Variants in KIF13A observed in about 807,000 individuals in gnomAD.
The protein encoded by KIF13A is kinesin-like protein KIF13A.
A neutral mutation model predicts 212.2 loss-of-function variants in KIF13A; 79 were observed. The ratio of observed to expected loss-of-function variants is 0.37; its 90% CI spans 0.31 to 0.45. The LOEUF (loss-of-function observed/expected upper bound fraction) is 0.45. Ranked by LOEUF, KIF13A falls within the 20% of genes least tolerant of loss-of-function variation. The pLI is 1.00. For missense variants in KIF13A, 1,901 were observed against 2,209.0 expected (o/e 0.86, Z 2.79); for synonymous variants, 789 against 808.6 (o/e 0.98, Z 0.41).
chr6:17,833,749 G>A (rs181577853), intron 12 of KIF13A, among the ~76,000 whole-genome samples: 3 of 150,964 alleles, frequency 2.0e-5, no homozygotes, highest in Admixed American at 1.3e-4. Context: ...CCAGCTACTC[G>A]GGAGGCTACG....
At chr6:17,822,883 T>C (rs1345726384) in intron 16 of KIF13A, among the ~76,000 whole-genome samples, 1 of 152,244 alleles carries the variant, frequency 6.6e-6, no homozygotes, top group African/African-American at 2.4e-5. Context: ...CAGAGTGGAA[T>C]GAATCTTGAC....
Position 17,850,380 on chromosome 6 carries a change from G to A in KIF13A, c.660C>T (p.Arg220=), listed in dbSNP as rs1380123523. Residue 220 remains arginine, a synonymous_variant, in exon 8 of 39, where the codon CGC becomes CGT. Coordinates refer to ENST00000259711, the MANE Select transcript of KIF13A (RefSeq NM_022113.6). This position sits in a 1 kb window ranked among gnomAD's most constrained non-coding sequence, Gnocchi z 6.2. ...TTATGATGTTGAACACAGCATGGGA[G>A]CGGCTGCTTTCTTCGTTCATGTTGG... is the stretch of plus-strand genomic sequence containing the variant. ...AATNMNEESS[R]SHAVFNIIIT... 1 of 1,613,814 alleles carries A rather than the reference G, an allele frequency of 6.2e-7. No homozygotes were observed. Among genetic ancestry groups the A allele is most frequent in the Non-Finnish European group, 8.5e-7 (1 of 1,179,878 alleles).
intron 16 of KIF13A, among the ~76,000 whole-genome samples, chr6:17,819,470 G>T (rs1764244068): frequency 6.6e-6 from 1 of 152,200 alleles, no homozygotes; most frequent in African/African-American, 2.4e-5. Context: ...GGCTGAGGCA[G>T]GAGAATTGCT....
rs923335466 is a variant in KIF13A, at chr6:17,768,697, T to C, written c.4581+2417A>G. On this transcript the variant is annotated intron_variant, in intron 38 of 38. Transcript: ENST00000259711. This position sits in a 1 kb window ranked among gnomAD's most constrained non-coding sequence, Gnocchi z 5.4. ...CATTAACTGTGAGACCTTGAGCAAG[T>C]TGCTCAACAATTCTAACCCTTTGCT... Among the ~76,000 whole-genome samples the C allele has an allele frequency of 2.6e-5, 4 of 152,344 alleles. No individual in the cohort carries two copies. In the South Asian group the frequency reaches 8.3e-4, roughly 32 times the overall value.
At chr6:17,813,906 A>C (rs918629093) in intron 17 of KIF13A, among the ~76,000 whole-genome samples, 4 of 150,296 alleles carry the variant, frequency 2.7e-5, no homozygotes, top group Admixed American at 2.6e-4. Context: ...AGCAATTAGT[A>C]CCTGGTACAT....
intron 2 of KIF13A, among the ~76,000 whole-genome samples, chr6:17,975,372 T>C (rs114553153): frequency 0.015 from 2,240 of 152,228 alleles, 21 homozygotes; most frequent in Middle Eastern, 0.027. Flanking sequence ...ACCCTCACAA[T>C]GAATATTACA....
intron 4 of KIF13A, among the ~76,000 whole-genome samples, chr6:17,861,234 T>G (rs1489286901): frequency 8.5e-5 from 13 of 152,196 alleles, no homozygotes; most frequent in Non-Finnish European, 2.9e-5. Flanking sequence ...TTTTTACAAA[T>G]TTACACAAGA....
Position 17,837,437 on chromosome 6 carries a change from T to C in KIF13A, c.942+35A>G. On this transcript the variant is annotated intron_variant, in intron 10 of 38. Transcript: ENST00000259711. This position sits in a 1 kb window ranked among gnomAD's most constrained non-coding sequence, Gnocchi z 5.4. ...TCTGTCACATCTGGAATAGCCAATT[T>C]TTAGTTGGAAAAGAACACTAGAGCA... 2 of 1,469,790 alleles carry C rather than the reference T, an allele frequency of 1.4e-6. No homozygotes were observed. The highest frequency in any genetic ancestry group is 2.4e-5 in the East Asian group (1 of 42,538). 91.0% of individuals were successfully genotyped at this position (1,469,790 alleles called of 1,614,324 possible). A position where few individuals can be genotyped will look rare whatever the true frequency, so the allele number is the denominator to read the frequency against.
rs1333982034 is a variant in KIF13A at position 17,880,652 on chromosome 6, G to A, written c.160-7215C>T. 3.6e-5 allele frequency among the ~76,000 whole-genome samples: 5 copies of A among 138,734 alleles called. No homozygotes were observed. In the East Asian group the frequency reaches 1.0e-3, roughly 29 times the overall value. The allele number at this position is 138,734 out of a possible 152,430, so 91.0% of individuals were successfully genotyped here. A position where few individuals can be genotyped will look rare whatever the true frequency, so the allele number is the denominator to read the frequency against. The stretch of plus-strand genomic sequence containing the variant: ...CAAAAAAAAAAAAAAAAAAAAAAAG[G>A]TCTTGCTCTGTTGTCCAGGCCAGAG... On this transcript the variant is annotated intron_variant, in intron 3 of 38. Coordinates refer to ENST00000259711, the MANE Select transcript of KIF13A (RefSeq NM_022113.6).
At chr6:17,820,694 G>GT (rs1375149670) in intron 16 of KIF13A, among the ~76,000 whole-genome samples, 1 of 152,160 alleles carries the variant, frequency 6.6e-6, no homozygotes, top group Non-Finnish European at 1.5e-5. Flanking sequence ...TCTCAAAGAA[G>GT]TAAGTATTTT....
chr6:17,825,657 T>C lies in KIF13A; in HGVS notation c.1786+111A>G, dbSNP rs7771879. On this transcript the variant is annotated intron_variant, in intron 16 of 38. Coordinates refer to ENST00000259711, the MANE Select transcript of KIF13A (RefSeq NM_022113.6). This position sits in a 1 kb window ranked among gnomAD's most constrained non-coding sequence, Gnocchi z 4.5. Reference sequence around the variant, plus strand: ...CCTTTTAAAGAAATGAGCAGTTTTATGTGTTTAAAATGTGGAATGCGGAAT... The same window carrying C: ...CCTTTTAAAGAAATGAGCAGTTTTACGTGTTTAAAATGTGGAATGCGGAAT... The C allele has an allele frequency of 0.48, 463,811 of 965,906 alleles. 112,915 individuals are homozygous for C. Among genetic ancestry groups the C allele is most frequent in the South Asian group, 0.55 (33,096 of 60,638 alleles). 59.8% of individuals were successfully genotyped at this position (965,906 alleles called of 1,614,324 possible). A position where few individuals can be genotyped will look rare whatever the true frequency, so the allele number is the denominator to read the frequency against.
At chr6:17,985,936 C>T (rs1781515955) in intron 2 of KIF13A, among the ~76,000 whole-genome samples, 1 of 152,150 alleles carries the variant, frequency 6.6e-6, no homozygotes, top group South Asian at 2.1e-4. Context: ...ATGCTCAACA[C>T]GAAAAGCAAA....
chr6:17,825,965 A>G lies in KIF13A; in HGVS notation c.1620-31T>C. 6.2e-7 allele frequency: 1 copy of G among 1,612,478 alleles called. No individual in the cohort carries two copies. Among genetic ancestry groups the G allele is most frequent in the Non-Finnish European group, 8.5e-7 (1 of 1,178,948 alleles). Reference sequence around the variant, plus strand: ...GGGTTTTTCACCATTAGAGAAAATCAACTTGTTTTACACTTAAATAGATAA... The same window carrying G: ...GGGTTTTTCACCATTAGAGAAAATCGACTTGTTTTACACTTAAATAGATAA... On this transcript the variant is annotated intron_variant, in intron 15 of 38. Transcript: ENST00000259711. This position sits in a 1 kb window ranked among gnomAD's most constrained non-coding sequence, Gnocchi z 4.5.
intron 4 of KIF13A, among the ~76,000 whole-genome samples, chr6:17,868,361 T>C (rs1380264350): frequency 7.2e-5 from 11 of 152,358 alleles, no homozygotes; most frequent in East Asian, 3.9e-4. Context: ...AATGCTTTAA[T>C]TGCAATCAGC....
chr6:17,825,119 A>G lies in KIF13A; in HGVS notation c.1786+649T>C, dbSNP rs1764852877. Among the ~76,000 whole-genome samples the G allele has an allele frequency of 6.6e-6, 1 of 152,222 alleles. No individual in the cohort carries two copies. The highest frequency in any genetic ancestry group is 2.4e-5 in the African/African-American group (1 of 41,464). On this transcript the variant is annotated intron_variant, in intron 16 of 38. Transcript: ENST00000259711. The surrounding 1 kb of genome is among the most constrained non-coding windows in gnomAD (Gnocchi z 4.5). ...AAAAGAAAGGGCAGATTTATAAAAC[A>G]GCAAAAAAGGAAAGAATTTGGTGTC...
intron 3 of KIF13A, chr6:17,882,037 A>G (rs994462999): frequency 4.4e-6 from 2 of 456,830 alleles, no homozygotes; most frequent in African/African-American, 2.0e-5. Context: ...TGTTCCCTGC[A>G]GAACCAGAAG....
intron 9 of KIF13A, among the ~76,000 whole-genome samples, chr6:17,842,243 G>T (rs1766597632): frequency 6.6e-6 from 1 of 151,590 alleles, no homozygotes; most frequent in Non-Finnish European, 1.5e-5. Flanking sequence ...TAGAGATGGG[G>T]TCTGGCTATG....
chr6:17,962,433 TA>T (rs1275860765), intron 2 of KIF13A, among the ~76,000 whole-genome samples: 1 of 151,960 alleles, frequency 6.6e-6, no homozygotes, highest in Non-Finnish European at 1.5e-5. Context: ...GGGAGACCGT[TA>T]AAAAAGCAGA....
rs115473490 is a variant in KIF13A at position 17,859,584 on chromosome 6, G to C, written c.221-3462C>G. 6.9e-3 allele frequency among the ~76,000 whole-genome samples: 1,027 copies of C among 148,052 alleles called. 10 individuals are homozygous for C. The highest frequency in any genetic ancestry group is 0.024 in the African/African-American group (970 of 40,782). On this transcript the variant is annotated intron_variant, in intron 4 of 38. Coordinates refer to ENST00000259711, the MANE Select transcript of KIF13A (RefSeq NM_022113.6). ...ATTTATGCTACTAAGGAAAAGCAAA[G>C]ATAATTTTTATCAACTGTCCTGCTG...
Sources: gnomAD v4.1 joint callset for allele counts (sites outside exome capture counted in the v4.1 genomes callset) on GRCh38, gnomAD v4.1.1 for gene constraint, Gnocchi (gnomAD v3.1) non-coding constraint, MANE v1.5 for transcripts, NCBI Gene and HGNC (gene_info 2026-07-23, HGNC 2026-07-21) for gene names.